EXT2: variants seen among roughly 807,000 people sequenced by gnomAD.
EXT2 encodes the protein exostosin glycosyltransferase 2.
Under a neutral mutation model 81.6 loss-of-function variants are expected in EXT2, and 53 were observed. The ratio of observed to expected loss-of-function variants is 0.65; its 90% confidence interval spans 0.52 to 0.82. EXT2 has a LOEUF of 0.82. EXT2 is among the 40% of genes least tolerant of loss of function. The probability of loss-of-function intolerance (pLI) is 0.00; values close to 1 mark genes in which losing one functional copy is unlikely to be tolerated. For synonymous variants in EXT2, 320 were observed against 340.0 expected (o/e 0.94, Z 0.65); for missense variants, 774 against 910.2 (o/e 0.85, Z 1.93).
At chr11:44,231,402 G>A (rs1270440837) in intron 10 of EXT2, among the ~76,000 whole-genome samples, 6 of 152,204 alleles carry the variant, frequency 3.9e-5, no homozygotes, top group South Asian at 4.1e-4. Flanking sequence ...TGTTTTGGAC[G>A]TGTTAGGTTT....
rs1336566289 is a variant in EXT2, at chr11:44,251,859, C to T, written c.*7572C>T. Among the ~76,000 whole-genome samples the T allele has an allele frequency of 6.6e-6, 1 of 152,162 alleles. No homozygotes were observed. Among genetic ancestry groups the T allele is most frequent in the Non-Finnish European group, 1.5e-5 (1 of 68,026 alleles). ...TGTGAGGATATGGCACTGAACAAAA[C>T]AATGTACCTACTTTCGTCAAGCTTA... On this transcript the variant is annotated 3_prime_UTR_variant, in exon 14 of 14. Coordinates refer to ENST00000533608, the MANE Select transcript of EXT2 (RefSeq NM_207122.2).
intron 7 of EXT2, among the ~76,000 whole-genome samples, chr11:44,151,515 A>T (rs963416274): frequency 2.0e-5 from 3 of 152,260 alleles, no homozygotes. Context: ...ACTTAGTAAT[A>T]TGCATTTAAG....
At chr11:44,097,491 TA>T (rs914189648) in intron 1 of EXT2, among the ~76,000 whole-genome samples, 2 of 152,048 alleles carry the variant, frequency 1.3e-5, no homozygotes, top group Admixed American at 6.6e-5. Flanking sequence ...AGGCCCTTTC[TA>T]AAAAGGTTAA....
At chr11:44,202,365 C>T (rs1419950751) in intron 9 of EXT2, among the ~76,000 whole-genome samples, 7 of 152,174 alleles carry the variant, frequency 4.6e-5, no homozygotes, top group Non-Finnish European at 1.0e-4. Context: ...TATAGAGGTA[C>T]GTTCATACTT....
intron 10 of EXT2, among the ~76,000 whole-genome samples, chr11:44,219,180 T>C (rs571178334): frequency 6.6e-6 from 1 of 152,218 alleles, no homozygotes; most frequent in East Asian, 1.9e-4. Context: ...TGACATATCC[T>C]AGAATTAGAC....
At chr11:44,200,924 A>G (rs1955514678) in intron 9 of EXT2, among the ~76,000 whole-genome samples, 1 of 152,208 alleles carries the variant, frequency 6.6e-6, no homozygotes, top group Non-Finnish European at 1.5e-5. Flanking sequence ...TAATCAATAT[A>G]CTTAAAAAAA....
intron 8 of EXT2, among the ~76,000 whole-genome samples, chr11:44,197,213 G>A (rs1955465465): frequency 6.6e-6 from 1 of 152,030 alleles, no homozygotes; most frequent in Non-Finnish European, 1.5e-5. Flanking sequence ...ATCAAGGGAG[G>A]GTTTGTGAAT....
intron 8 of EXT2, among the ~76,000 whole-genome samples, chr11:44,185,610 T>C (rs547935182): frequency 6.6e-6 from 1 of 152,294 alleles, no homozygotes; most frequent in East Asian, 1.9e-4. Context: ...ATTTAAGAAA[T>C]CACTTTATTG....
At chr11:44,115,040 C>T (rs1954201570) in intron 4 of EXT2, among the ~76,000 whole-genome samples, 1 of 152,080 alleles carries the variant, frequency 6.6e-6, no homozygotes, top group African/African-American at 2.4e-5. Context: ...GGAGGGGGTA[C>T]CTTCTTGGCC....
chr11:44,248,950 C>A lies in EXT2; in HGVS notation c.*4663C>A, dbSNP rs1388925092. On this transcript the variant is annotated 3_prime_UTR_variant, in exon 14 of 14. Coordinates refer to ENST00000533608, the MANE Select transcript of EXT2 (RefSeq NM_207122.2). ...CATTTTGTTTCTTCACATTTGCAAC[C>A]ATTTCAGGGTAGAGTTTTTTTGTTT... Among the ~76,000 whole-genome samples, 1 of 151,500 alleles carries A rather than the reference C, an allele frequency of 6.6e-6. No individual in the cohort carries two copies. The highest frequency in any genetic ancestry group is 1.5e-5 in the Non-Finnish European group (1 of 67,884).
chr11:44,242,887 A>G (rs1956052667), intron 13 of EXT2, among the ~76,000 whole-genome samples: 1 of 152,118 alleles, frequency 6.6e-6, no homozygotes, highest in Non-Finnish European at 1.5e-5. Flanking sequence ...TCCTCTCTGT[A>G]TCTCAGTCTT....
In EXT2 at chr11:44,232,416, G is replaced by A. The variant is rs373582542; in HGVS notation, c.1726G>A (p.Glu576Lys). ...GGGTCGTCTGCATCTCTGGGACCAT[G>A]AGATGAATAAGTGGAAGTATGAGTC... ...YPGRLHLWDH[E>K]MNKWKYESEW... Residue 576 changes from glutamate to lysine, a missense_variant, in exon 11 of 14, where the codon GAG becomes AAG. Glu to Lys is a moderately conservative substitution (Grantham distance 56). Around this residue, in one of 2 missense-constraint regions of EXT2, gnomAD observed 148 missense variants for 239.7 expected, o/e 0.62. Transcript: ENST00000533608. 236 of 1,613,972 alleles carry A rather than the reference G, an allele frequency of 1.5e-4. No individual in the cohort carries two copies. Among genetic ancestry groups the A allele is most frequent in the Admixed American group, 2.5e-4 (15 of 59,990 alleles).
chr11:44,197,988 T>C lies in EXT2; in HGVS notation c.1465T>C (p.Trp489Arg), dbSNP rs2135185580. The C allele has an allele frequency of 6.2e-7, 1 of 1,614,130 alleles. No individual in the cohort carries two copies. Among genetic ancestry groups the C allele is most frequent in the Non-Finnish European group, 8.5e-7 (1 of 1,179,974 alleles). ...CAGTCTATCCAAACTACTTGTCGTCTGGAATAATCAGAATAAAAACCCTCC... is the reference window on the plus strand; with the variant it reads ...CAGTCTATCCAAACTACTTGTCGTCCGGAATAATCAGAATAAAAACCCTCC... Reference protein sequence around the residue: ...VPSLSKLLVVWNNQNKNPPED... With the variant: ...VPSLSKLLVVRNNQNKNPPED... Residue 489 changes from tryptophan to arginine, a missense_variant, in exon 9 of 14, where the codon TGG becomes CGG. This residue lies in a region of EXT2 where 626 missense variants were observed against 670.5 expected (regional missense o/e 0.93). Transcript: ENST00000533608.
At chr11:44,108,608 A>G (rs1954097102) in intron 2 of EXT2, among the ~76,000 whole-genome samples, 2 of 152,216 alleles carry the variant, frequency 1.3e-5, no homozygotes, top group African/African-American at 4.8e-5. Context: ...GAAATCTGAA[A>G]ATACAGGTAA....
chr11:44,246,696 G>T lies in EXT2; in HGVS notation c.*2409G>T, dbSNP rs888042369. 6.6e-6 allele frequency among the ~76,000 whole-genome samples: 1 copy of T among 152,204 alleles called. No homozygotes were observed. The highest frequency in any genetic ancestry group is 2.4e-5 in the African/African-American group (1 of 41,432). ...ACAGTCACCGTAGAAATTCAAGACA[G>T]GGATATAGCAGGTGATGGCGATTCA... is the stretch of plus-strand genomic sequence containing the variant. On this transcript the variant is annotated 3_prime_UTR_variant, in exon 14 of 14. Coordinates refer to ENST00000533608, the MANE Select transcript of EXT2 (RefSeq NM_207122.2).
At chr11:44,123,684 T>C (rs1182044999) in intron 4 of EXT2, among the ~76,000 whole-genome samples, 1 of 152,192 alleles carries the variant, frequency 6.6e-6, no homozygotes. Context: ...CATGTTGGCA[T>C]CCAGAAAGCT....
intron 9 of EXT2, among the ~76,000 whole-genome samples, chr11:44,203,650 G>A (rs1955546891): frequency 6.6e-6 from 1 of 152,096 alleles, no homozygotes; most frequent in Non-Finnish European, 1.5e-5. Context: ...AAGCCAGTTG[G>A]GGTGTGCTAG....
chr11:44,115,874 T>C (rs770580110), intron 4 of EXT2: 3 of 152,186 alleles, frequency 2.0e-5, no homozygotes, highest in Non-Finnish European at 4.4e-5. Flanking sequence ...CCAGGTGAGC[T>C]TGAGACATTT....
At chr11:44,120,895 C>T (rs1246573927) in intron 4 of EXT2, among the ~76,000 whole-genome samples, 1 of 152,194 alleles carries the variant, frequency 6.6e-6, no homozygotes, top group African/African-American at 2.4e-5. Flanking sequence ...TTTGCTTAAA[C>T]TTAGATATCA....
Sources: allele counts gnomAD v4.1 joint callset (sites outside exome capture counted in the v4.1 genomes callset), GRCh38; gene constraint gnomAD v4.1.1; regional missense constraint gnomAD v4.1.1; transcripts MANE v1.5; gene names NCBI Gene and HGNC (gene_info 2026-07-23, HGNC 2026-07-21).